The following ARHGAP28 variants were observed in gnomAD, a reference collection of about 807,000 sequenced individuals.
The protein encoded by ARHGAP28 is rho GTPase-activating protein 28.
ARHGAP28 carries 56 observed loss-of-function variants against 90.7 expected under a neutral mutation model. The observed-to-expected ratio is 0.62, with a 90% CI of 0.50 to 0.77. The LOEUF is 0.77. ARHGAP28 is among the 30% of genes least tolerant of loss of function. The probability of loss-of-function intolerance (pLI) is 0.00; values close to 1 mark genes in which losing one functional copy is unlikely to be tolerated. For synonymous variants in ARHGAP28, 308 were observed against 323.3 expected (o/e 0.95, Z 0.51); for missense variants, 869 against 900.9 (o/e 0.96, Z 0.45).
intron 3 of ARHGAP28, among the ~76,000 whole-genome samples, 161 bp downstream of exon 3, chr18:6,837,575 A>G (rs555695880): frequency 1.3e-5 from 2 of 152,302 alleles, no homozygotes; most frequent in South Asian, 4.1e-4. Context: ...AATTTTTACA[A>G]GTTTGAACTT....
chr18:6,823,284 A>C (rs552523235), intron 1 of ARHGAP28, among the ~76,000 whole-genome samples: 4 of 151,468 alleles, frequency 2.6e-5, no homozygotes, highest in African/African-American at 9.7e-5. Flanking sequence ...ACTACTCAGC[A>C]CCACAAGTAA....
intron 5 of ARHGAP28, among the ~76,000 whole-genome samples, chr18:6,863,118 CATTGTTTTCCCTTAGAGG>C (rs1333594686): frequency 4.6e-5 from 7 of 151,926 alleles, no homozygotes; most frequent in African/African-American, 1.7e-4. Flanking sequence ...TTATTTATCT[CATTGTTTTCCCTTAGAGG>C]ACTGACCACA....
intron 3 of ARHGAP28, among the ~76,000 whole-genome samples, chr18:6,841,199 CTCT>C (rs2056819774): frequency 1.1e-4 from 7 of 62,290 alleles, no homozygotes; most frequent in African/African-American, 5.3e-4. Flanking sequence ...CTCTCTCTCT[CTCT>C]CCTCTCCTCT....
At chr18:6,890,684 G>T in intron 14 of ARHGAP28, 141 bp downstream of exon 14, 1 of 527,452 alleles carries the variant, frequency 1.9e-6, no homozygotes, top group South Asian at 3.5e-5. Context: ...TAAACATCAT[G>T]GAAAGTGGGT....
At chr18:6,783,917 G>A (rs1046000314) in intron 1 of ARHGAP28, among the ~76,000 whole-genome samples, 3 of 152,088 alleles carry the variant, frequency 2.0e-5, no homozygotes, top group South Asian at 2.1e-4. Flanking sequence ...TCTGGTTCTG[G>A]TAACCACTCC....
At chr18:6,738,276 C>G (rs986697195) in intron 1 of ARHGAP28, among the ~76,000 whole-genome samples, 1 of 151,950 alleles carries the variant, frequency 6.6e-6, no homozygotes, top group East Asian at 1.9e-4. Context: ...TGGTTAGCCA[C>G]AAATTTACTT....
At position 6,861,304 on chromosome 18, in the gene ARHGAP28, C is replaced by T. The variant is rs962062908; in HGVS notation, c.726+1407C>T. ...TCATGTGAATGGTTGTAAAATCTTT[C>T]TGCTCCCCTCCTGTCTTACAGTCTC... On this transcript the variant is annotated intron_variant, in intron 5 of 17. Transcript: ENST00000383472. 7.9e-5 allele frequency among the ~76,000 whole-genome samples: 12 copies of T among 152,308 alleles called. No individual in the cohort carries two copies. The East Asian group carries it at 2.3e-3, about 29-fold the overall frequency.
intron 1 of ARHGAP28, among the ~76,000 whole-genome samples, chr18:6,763,032 G>A (rs1410479663): frequency 6.6e-6 from 1 of 152,034 alleles, no homozygotes; most frequent in African/African-American, 2.4e-5. Flanking sequence ...CATTCACCAG[G>A]CCTTGTATCA....
chr18:6,821,384 A>T lies in ARHGAP28; in HGVS notation c.123-3378A>T, dbSNP rs138851798. Among the ~76,000 whole-genome samples the T allele has an allele frequency of 8.4e-3, 1,287 of 152,320 alleles. 10 individuals are homozygous for T. Among genetic ancestry groups the T allele is most frequent in the Admixed American group, 0.016 (241 of 15,300 alleles). On this transcript the variant is annotated intron_variant, in intron 1 of 17. Transcript: ENST00000383472. ...GTAACACAATTGCATTCAATTTGTC[A>T]TGTAATATTTTCCTGGTATTGTTTG...
chr18:6,859,877 G>A lies in ARHGAP28; in HGVS notation c.706G>A (p.Val236Ile). ...CCAGGATAAAGAAGGGAGTTTTGCG[G>A]TTCCCAGGAGTGACTCTGTGGTAAG... is the stretch of plus-strand genomic sequence containing the variant. ...ASQDKEGSFA[V>I]PRSDSVAILE... The change falls in exon 5 of 18, where the codon GTT becomes ATT. Residue 236 changes from valine (V) to isoleucine (I), a missense_variant. Physicochemically the swap from Val to Ile is conservative, Grantham distance 29. Coordinates refer to ENST00000383472, the MANE Select transcript of ARHGAP28 (RefSeq NM_001366230.1). 6.2e-7 allele frequency: 1 copy of A among 1,614,150 alleles called. No homozygotes were observed. Among genetic ancestry groups the A allele is most frequent in the Non-Finnish European group, 8.5e-7 (1 of 1,180,014 alleles).
chr18:6,874,356 A>G (rs2057114680), intron 9 of ARHGAP28, among the ~76,000 whole-genome samples: 1 of 152,188 alleles, frequency 6.6e-6, no homozygotes, highest in Non-Finnish European at 1.5e-5. Context: ...ATTTTGGTGG[A>G]AGGAGGTTTC....
chr18:6,844,428 G>A (rs967228719), intron 3 of ARHGAP28, among the ~76,000 whole-genome samples: 18 of 152,108 alleles, frequency 1.2e-4, no homozygotes, highest in Non-Finnish European at 2.2e-4. Flanking sequence ...AGAGAATAGT[G>A]TCTATTAATG....
At chr18:6,839,889 T>C (rs539471397) in intron 3 of ARHGAP28, among the ~76,000 whole-genome samples, 352 of 152,366 alleles carry the variant, frequency 2.3e-3, no homozygotes, top group African/African-American at 8.1e-3. Flanking sequence ...TTCATGTTCA[T>C]TCGAAATTCA....
At chr18:6,860,501 C>G (rs1037545299) in intron 5 of ARHGAP28, among the ~76,000 whole-genome samples, 2 of 152,160 alleles carry the variant, frequency 1.3e-5, no homozygotes. Context: ...ATATGATAGA[C>G]CCTCCACAGA....
intron 1 of ARHGAP28, among the ~76,000 whole-genome samples, chr18:6,757,740 A>G (rs1222920774): frequency 6.6e-6 from 1 of 152,180 alleles, no homozygotes; most frequent in Non-Finnish European, 1.5e-5. Flanking sequence ...GAAACAGACC[A>G]AATATCCAGT....
intron 1 of ARHGAP28, among the ~76,000 whole-genome samples, chr18:6,733,136 T>C (rs1051724778): frequency 1.3e-5 from 2 of 152,218 alleles, no homozygotes; most frequent in African/African-American, 4.8e-5. Flanking sequence ...TGAAGTCACA[T>C]AAATGCACTG....
Sources: allele counts gnomAD v4.1 joint callset (sites outside exome capture counted in the v4.1 genomes callset), GRCh38; gene constraint gnomAD v4.1.1; transcripts MANE v1.5; gene names NCBI Gene and HGNC (gene_info 2026-07-23, HGNC 2026-07-21).